Variants in WWOX observed in about 807,000 individuals in gnomAD.
WWOX encodes the protein WW domain containing oxidoreductase.
WWOX carries 69 observed loss-of-function variants against 46.2 expected under a neutral mutation model. The ratio of observed to expected loss-of-function variants is 1.49; its 90% confidence interval spans 1.23 to 1.82. WWOX has a LOEUF of 1.82. Ranked by LOEUF, WWOX falls within the 40% of genes most tolerant of loss-of-function variation. The probability of loss-of-function intolerance (pLI) is 0.00; values close to 1 mark genes in which losing one functional copy is unlikely to be tolerated. For synonymous variants in WWOX, 359 were observed against 202.6 expected (o/e 1.77, Z -6.56); for missense variants, 919 against 542.6 (o/e 1.69, Z -6.89).
At chr16:79,211,230 C>A (rs183249379) in intron 8 of WWOX, among the ~76,000 whole-genome samples, 2 of 152,124 alleles carry the variant, frequency 1.3e-5, no homozygotes, top group African/African-American at 4.8e-5. Context: ...TATCGAATTA[C>A]ATTATACATG....
chr16:79,056,749 G>C (rs2048270105), intron 8 of WWOX, among the ~76,000 whole-genome samples: 1 of 152,154 alleles, frequency 6.6e-6, no homozygotes, highest in Non-Finnish European at 1.5e-5. Flanking sequence ...TTTAACTCAA[G>C]AAGTTTTTCT....
At chr16:78,805,073 T>G (rs1178658280) in intron 8 of WWOX, among the ~76,000 whole-genome samples, 1 of 152,192 alleles carries the variant, frequency 6.6e-6, no homozygotes, top group Non-Finnish European at 1.5e-5. Context: ...AAAAGTACTT[T>G]TCTGCATGTG....
At chr16:78,315,463 A>T (rs1019918028) in intron 5 of WWOX, among the ~76,000 whole-genome samples, 2 of 152,136 alleles carry the variant, frequency 1.3e-5, no homozygotes, top group African/African-American at 4.8e-5. Context: ...AGCCCGGCCA[A>T]CATGGTGAGA....
intron 8 of WWOX, among the ~76,000 whole-genome samples, chr16:78,594,386 C>CTCTT (rs943507200): frequency 7.1e-6 from 1 of 141,482 alleles, no homozygotes; most frequent in African/African-American, 2.7e-5. Context: ...AACCTGACCT[C>CTCTT]TCTTTGTGTT....
intron 8 of WWOX, among the ~76,000 whole-genome samples, chr16:79,075,241 G>A (rs2048632908): frequency 6.6e-6 from 1 of 152,074 alleles, no homozygotes; most frequent in Non-Finnish European, 1.5e-5. Context: ...GAAAACTACT[G>A]GCAGAATAGT....
At chr16:78,142,457 C>T (rs961165561) in intron 4 of WWOX, among the ~76,000 whole-genome samples, 2 of 152,102 alleles carry the variant, frequency 1.3e-5, no homozygotes, top group African/African-American at 4.8e-5. Context: ...CTAGATACTC[C>T]CTAGTAGCTG....
intron 4 of WWOX, among the ~76,000 whole-genome samples, chr16:78,150,219 A>G (rs1048613629): frequency 2.0e-5 from 3 of 152,186 alleles, no homozygotes; most frequent in East Asian, 3.9e-4. Context: ...CCTGTTTATG[A>G]TAAAGGATAT....
At chr16:78,151,043 AT>A (rs10629101) in intron 4 of WWOX, among the ~76,000 whole-genome samples, 74 of 140,880 alleles carry the variant, frequency 5.3e-4, no homozygotes, top group Non-Finnish European at 5.0e-4. Context: ...GTGCTCCACA[AT>A]TTTTTTTTTT....
chr16:78,942,261 T>C (rs1567664714), intron 8 of WWOX, among the ~76,000 whole-genome samples: 2 of 152,176 alleles, frequency 1.3e-5, no homozygotes, highest in Admixed American at 6.5e-5. Context: ...TAATTCTAGT[T>C]GTTCCTCGTG....
chr16:78,275,650 T>C (rs897333984), intron 5 of WWOX, among the ~76,000 whole-genome samples: 1 of 152,208 alleles, frequency 6.6e-6, no homozygotes, highest in Non-Finnish European at 1.5e-5. Flanking sequence ...GAGTCACGTG[T>C]TCTGCCCACA....
At chr16:78,874,500 G>A (rs1204380191) in intron 8 of WWOX, among the ~76,000 whole-genome samples, 2 of 151,982 alleles carry the variant, frequency 1.3e-5, no homozygotes, top group Non-Finnish European at 2.9e-5. Flanking sequence ...CTGATGTGGT[G>A]CCTGGCCAGG....
chr16:78,719,570 G>C (rs183143434), intron 8 of WWOX, among the ~76,000 whole-genome samples: 8 of 152,262 alleles, frequency 5.3e-5, no homozygotes, highest in East Asian at 3.9e-4. Context: ...GGACTTTAAG[G>C]TTACCTTAAA....
chr16:78,617,950 T>C (rs888175237), intron 8 of WWOX, among the ~76,000 whole-genome samples: 6 of 152,234 alleles, frequency 3.9e-5, no homozygotes, highest in African/African-American at 1.4e-4. Context: ...GAAAGGACTT[T>C]TAATCTTCAT....
chr16:78,750,466 C>A (rs1435358800), intron 8 of WWOX, among the ~76,000 whole-genome samples: 1 of 152,078 alleles, frequency 6.6e-6, no homozygotes, highest in South Asian at 2.1e-4. Context: ...TGTAAGTAAA[C>A]TGGGATTTAT....
At chr16:79,176,285 C>G (rs2347568) in intron 8 of WWOX, among the ~76,000 whole-genome samples, 1 of 151,976 alleles carries the variant, frequency 6.6e-6, no homozygotes, top group Non-Finnish European at 1.5e-5. Flanking sequence ...CAGGCTGCAG[C>G]CACTTAGTGG....
chr16:78,308,586 T>A (rs939512964), intron 5 of WWOX, among the ~76,000 whole-genome samples: 3 of 152,210 alleles, frequency 2.0e-5, no homozygotes, highest in Non-Finnish European at 4.4e-5. Flanking sequence ...TATTTCGAAA[T>A]GGCCCTGCAA....
intron 8 of WWOX, among the ~76,000 whole-genome samples, chr16:79,067,947 C>A (rs1307548727): frequency 6.6e-6 from 1 of 152,170 alleles, no homozygotes. Context: ...GCACCTAAAT[C>A]AGCCAATAAA....
chr16:79,049,046 G>T (rs1043786781), intron 8 of WWOX, among the ~76,000 whole-genome samples: 2 of 152,192 alleles, frequency 1.3e-5, no homozygotes, highest in Non-Finnish European at 2.9e-5. Context: ...AGATACAAAA[G>T]CGACAAGGTT....
rs149563978 is a variant in WWOX at position 79,082,839 on chromosome 16, C to G, written c.1057-128769C>G. On this transcript the variant is annotated intron_variant, in intron 8 of 8. Transcript: ENST00000566780. ...CAGCTTTATACCTTGTGTGTGCTTA[C>G]AGAGGTCATGAATTGTCCGCTGTTG... Among the ~76,000 whole-genome samples the G allele has an allele frequency of 2.1e-3, 326 of 152,226 alleles. 2 individuals are homozygous for G. Among genetic ancestry groups the G allele is most frequent in the African/African-American group, 7.3e-3 (305 of 41,520 alleles).
Sources: allele counts gnomAD v4.1 joint callset (sites outside exome capture counted in the v4.1 genomes callset), GRCh38; gene constraint gnomAD v4.1.1; transcripts MANE v1.5; gene names NCBI Gene and HGNC (gene_info 2026-07-23, HGNC 2026-07-21).